SORCS2: variants seen among roughly 807,000 people sequenced by gnomAD.
SORCS2 encodes the protein VPS10 domain-containing receptor SorCS2.
A neutral mutation model predicts 141.6 loss-of-function variants in SORCS2; 100 were observed. That is an observed-to-expected ratio of 0.71 (90% confidence interval 0.60 to 0.83). SORCS2 has a LOEUF of 0.83. Ranked by LOEUF, SORCS2 falls within the 40% of genes least tolerant of loss-of-function variation. The pLI, the probability that SORCS2 is intolerant of heterozygous loss-of-function variation, is 0.00. For synonymous variants in SORCS2, 789 were observed against 676.9 expected (o/e 1.17, Z -2.57); for missense variants, 1,646 against 1,560.2 (o/e 1.05, Z -0.93).
chr4:7,268,449 C>A (rs546269595), intron 1 of SORCS2, among the ~76,000 whole-genome samples: 1 of 152,178 alleles, frequency 6.6e-6, no homozygotes, highest in Non-Finnish European at 1.5e-5. Context: ...ATCCAGCATG[C>A]AATGGGGCCG....
intron 1 of SORCS2, among the ~76,000 whole-genome samples, chr4:7,304,923 T>G (rs1717681972): frequency 6.6e-6 from 1 of 152,236 alleles, no homozygotes; most frequent in Admixed American, 6.5e-5. Context: ...CACTGAGGCT[T>G]CATGCTGGAG....
chr4:7,486,637 C>T (rs1731006318), intron 2 of SORCS2, among the ~76,000 whole-genome samples: 1 of 152,160 alleles, frequency 6.6e-6, no homozygotes, highest in African/African-American at 2.4e-5. Flanking sequence ...TTATTCTCTC[C>T]CAGAAGCCTG....
chr4:7,222,547 G>T (rs1484009523), intron 1 of SORCS2, among the ~76,000 whole-genome samples: 2 of 152,300 alleles, frequency 1.3e-5, no homozygotes, highest in East Asian at 3.9e-4. Flanking sequence ...ATGGACTGGT[G>T]GTGTGTGCGG....
At chr4:7,671,174 A>T (rs2108939113) in intron 8 of SORCS2, among the ~76,000 whole-genome samples, 1 of 152,286 alleles carries the variant, frequency 6.6e-6, no homozygotes, top group Non-Finnish European at 1.5e-5. Context: ...AACCATCAAA[A>T]AATAAGAACA....
At chr4:7,484,616 C>A (rs1230061712) in intron 2 of SORCS2, among the ~76,000 whole-genome samples, 1 of 152,160 alleles carries the variant, frequency 6.6e-6, no homozygotes, top group Non-Finnish European at 1.5e-5. Flanking sequence ...GGGAGCTCTG[C>A]AAGCAATTCC....
At chr4:7,467,742 A>C (rs1450814863) in intron 2 of SORCS2, among the ~76,000 whole-genome samples, 2 of 152,218 alleles carry the variant, frequency 1.3e-5, no homozygotes, top group Non-Finnish European at 2.9e-5. Flanking sequence ...GGCCACTGCC[A>C]CAAAATGAGG....
In SORCS2 at chr4:7,664,431, A is replaced by C; in HGVS notation, c.1031A>C (p.His344Pro). 1 of 1,613,842 alleles carries C rather than the reference A, an allele frequency of 6.2e-7. No individual in the cohort carries two copies. Among genetic ancestry groups the C allele is most frequent in the Non-Finnish European group, 8.5e-7 (1 of 1,179,836 alleles). The change falls in exon 7 of 27, where the codon CAC (histidine) becomes CCC (proline). Residue 344 changes from histidine to proline, a missense_variant. His to Pro is a moderately conservative substitution (Grantham distance 77). Transcript: ENST00000507866. The surrounding 1 kb of genome is among the most constrained non-coding windows in gnomAD (Gnocchi z 4.7). ...LTAPFAGPIDHGSLTVQDDYI... is the reference protein window; with the variant it reads ...LTAPFAGPIDPGSLTVQDDYI... Reference sequence around the variant, plus strand: ...GCCCCATTCGCAGGCCCCATTGACCACGGGTCTCTGACCGTGCAGGACGAT... The same window carrying C: ...GCCCCATTCGCAGGCCCCATTGACCCCGGGTCTCTGACCGTGCAGGACGAT...
Position 7,193,289 on chromosome 4 carries a change from T to A in SORCS2, c.480+163T>A, listed in dbSNP as rs1361167039. Among the ~76,000 whole-genome samples the A allele has an allele frequency of 6.6e-6, 1 of 152,196 alleles. No homozygotes were observed. The highest frequency in any genetic ancestry group is 2.4e-5 in the African/African-American group (1 of 41,456). On this transcript the variant is annotated intron_variant, in intron 1 of 26. Coordinates refer to ENST00000507866, the MANE Select transcript of SORCS2 (RefSeq NM_020777.3). The surrounding 1 kb of genome is among the most constrained non-coding windows in gnomAD (Gnocchi z 4.8). ...CACCTCGGCCGCGCCCCTACTGGCC[T>A]CTGGTCACTGGTTACTTGGGGAGAG...
intron 1 of SORCS2, among the ~76,000 whole-genome samples, chr4:7,257,646 G>C (rs1713991895): frequency 6.6e-6 from 1 of 152,198 alleles, no homozygotes; most frequent in Non-Finnish European, 1.5e-5. Context: ...CTCCAGGCTT[G>C]TCACCCGTAA....
At chr4:7,294,772 CCT>C (rs1716865560) in intron 1 of SORCS2, among the ~76,000 whole-genome samples, 1 of 34,166 alleles carries the variant, frequency 2.9e-5, no homozygotes, top group African/African-American at 1.6e-4. Context: ...CCCTCCTCCC[CCT>C]CCCCCTCCCC....
At chr4:7,585,368 T>C (rs1190896356) in intron 3 of SORCS2, among the ~76,000 whole-genome samples, 1 of 152,114 alleles carries the variant, frequency 6.6e-6, no homozygotes, top group Non-Finnish European at 1.5e-5. Flanking sequence ...AGGAGTGGAA[T>C]GTGGATCACT....
At chr4:7,303,103 G>A (rs765797914) in intron 1 of SORCS2, among the ~76,000 whole-genome samples, 1 of 152,280 alleles carries the variant, frequency 6.6e-6, no homozygotes, top group South Asian at 2.1e-4. Flanking sequence ...CTCAGACGAG[G>A]TAATAAAAAG....
At chr4:7,658,933 C>G (rs891764298) in intron 5 of SORCS2, among the ~76,000 whole-genome samples, 1 of 152,186 alleles carries the variant, frequency 6.6e-6, no homozygotes, top group African/African-American at 2.4e-5. Flanking sequence ...GCCCCCAACG[C>G]TGAGTGGCCA....
intron 9 of SORCS2, 74 bp downstream of exon 9, chr4:7,676,303 TC>T (rs1314299509): frequency 4.9e-6 from 7 of 1,423,916 alleles, no homozygotes; most frequent in African/African-American, 1.5e-5. Context: ...CACCTCTTCC[TC>T]CCCCCTCCCC....
chr4:7,511,348 G>GGA (rs201320813), intron 2 of SORCS2, among the ~76,000 whole-genome samples: 10 of 127,284 alleles, frequency 7.9e-5, no homozygotes, highest in African/African-American at 1.3e-4. Flanking sequence ...AGAGAGGGAG[G>GGA]GAGAGAGAGA....
chr4:7,314,256 C>T (rs759753957), intron 1 of SORCS2, among the ~76,000 whole-genome samples: 52 of 152,130 alleles, frequency 3.4e-4, no homozygotes, highest in Admixed American at 6.5e-4. Flanking sequence ...AACGAGGCAG[C>T]GGGATGCGAC....
intron 1 of SORCS2, among the ~76,000 whole-genome samples, chr4:7,318,608 G>C (rs185767976): frequency 6.6e-6 from 1 of 152,172 alleles, no homozygotes; most frequent in Admixed American, 6.5e-5. Flanking sequence ...AAGATTAAAC[G>C]AGCTAAGCCA....
intron 3 of SORCS2, 66 bp from the exon 4 acceptor site, chr4:7,638,262 A>G: frequency 1.4e-6 from 2 of 1,478,070 alleles, no homozygotes; most frequent in Non-Finnish European, 9.0e-7. Context: ...AGGCCTCACA[A>G]CACCTTTCTG....
At chr4:7,377,965 A>G (rs1222701018) in intron 1 of SORCS2, among the ~76,000 whole-genome samples, 1 of 152,234 alleles carries the variant, frequency 6.6e-6, no homozygotes, top group Non-Finnish European at 1.5e-5. Context: ...CCAGAAACTT[A>G]ACCCTTCCAT....
Sources: gnomAD v4.1 joint callset for allele counts (sites outside exome capture counted in the v4.1 genomes callset) on GRCh38, gnomAD v4.1.1 for gene constraint, Gnocchi (gnomAD v3.1) non-coding constraint, MANE v1.5 for transcripts, NCBI Gene and HGNC (gene_info 2026-07-23, HGNC 2026-07-21) for gene names.